The following AUTS2 variants were observed in gnomAD, a reference collection of about 807,000 sequenced individuals.
AUTS2 encodes activator of transcription and developmental regulator AUTS2.
A neutral mutation model predicts 112.4 loss-of-function variants in AUTS2; 17 were observed. The observed-to-expected ratio is 0.15, with a 90% CI of 0.10 to 0.23. The LOEUF is 0.23. Among genes scored for constraint, AUTS2 ranks in the 10% least tolerant of loss-of-function variants. The pLI, the probability that AUTS2 is intolerant of heterozygous loss-of-function variation, is 1.00. For missense variants in AUTS2, 1,510 were observed against 1,701.6 expected (o/e 0.89, Z 1.98); for synonymous variants, 751 against 702.7 (o/e 1.07, Z -1.09).
At chr7:70,325,262 T>C (rs75549631) in intron 4 of AUTS2, among the ~76,000 whole-genome samples, 11,762 of 152,108 alleles carry the variant, frequency 0.077, 652 homozygotes, top group Non-Finnish European at 0.12. Context: ...AGTTTGAGGC[T>C]GCAGGGAGCT....
chr7:69,809,785 C>T (rs896696814), intron 1 of AUTS2, among the ~76,000 whole-genome samples: 19 of 152,136 alleles, frequency 1.2e-4, no homozygotes, highest in Non-Finnish European at 1.5e-5. Flanking sequence ...CTGCTTGTAA[C>T]CAATCAATAC....
intron 2 of AUTS2, among the ~76,000 whole-genome samples, chr7:70,045,046 A>G (rs1278568131): frequency 6.6e-6 from 1 of 151,822 alleles, no homozygotes; most frequent in African/African-American, 2.4e-5. Context: ...TTCTGCTTGG[A>G]CACGCTAGAC....
At chr7:70,611,931 A>G (rs1804114131) in intron 5 of AUTS2, among the ~76,000 whole-genome samples, 2 of 152,234 alleles carry the variant, frequency 1.3e-5, no homozygotes, top group African/African-American at 4.8e-5. Context: ...TAGAGTAGTC[A>G]TAGTTTCTAC....
chr7:69,971,870 TAGA>T (rs2129548110), intron 2 of AUTS2, among the ~76,000 whole-genome samples: 1 of 152,360 alleles, frequency 6.6e-6, no homozygotes, highest in African/African-American at 2.4e-5. Flanking sequence ...GTTGTTTTCC[TAGA>T]AGTACTATGA....
At chr7:69,951,326 A>G (rs1487680636) in intron 2 of AUTS2, among the ~76,000 whole-genome samples, 1 of 151,756 alleles carries the variant, frequency 6.6e-6, no homozygotes, top group African/African-American at 2.4e-5. Flanking sequence ...TAGCATTGTA[A>G]GTTTTTAGTC....
chr7:69,909,976 A>T (rs1353476258), intron 2 of AUTS2, among the ~76,000 whole-genome samples: 1 of 152,220 alleles, frequency 6.6e-6, no homozygotes, highest in Non-Finnish European at 1.5e-5. Flanking sequence ...TGAGAAAAGC[A>T]GTTTTGAAAT....
chr7:69,762,981 T>C (rs916826367), intron 1 of AUTS2, among the ~76,000 whole-genome samples: 17 of 152,188 alleles, frequency 1.1e-4, no homozygotes, highest in Non-Finnish European at 2.5e-4. Context: ...CCATACACCT[T>C]CATCATCAAG....
At chr7:69,690,258 A>G (rs931510563) in intron 1 of AUTS2, among the ~76,000 whole-genome samples, 4 of 152,242 alleles carry the variant, frequency 2.6e-5, no homozygotes, top group Non-Finnish European at 5.9e-5. Flanking sequence ...TATCCTACAT[A>G]TAATATAGTT....
intron 4 of AUTS2, among the ~76,000 whole-genome samples, chr7:70,162,908 G>A (rs568551230): frequency 1.5e-4 from 23 of 152,070 alleles, no homozygotes; most frequent in Non-Finnish European, 8.8e-5. Flanking sequence ...AAATAAATTG[G>A]AAGCTAAGAA....
chr7:70,167,542 T>C (rs760186787), intron 4 of AUTS2, among the ~76,000 whole-genome samples: 1 of 152,178 alleles, frequency 6.6e-6, no homozygotes, highest in Non-Finnish European at 1.5e-5. Context: ...ACCAAAAACT[T>C]GAGCAACACT....
chr7:69,852,811 C>T (rs1183441350), intron 1 of AUTS2, among the ~76,000 whole-genome samples: 1 of 152,092 alleles, frequency 6.6e-6, no homozygotes, highest in African/African-American at 2.4e-5. Context: ...CTGCTTGTGT[C>T]CCCTAAACTT....
chr7:70,718,206 G>C (rs1396565990), intron 6 of AUTS2, among the ~76,000 whole-genome samples: 1 of 152,044 alleles, frequency 6.6e-6, no homozygotes. Context: ...AACTCAGAAG[G>C]CCTCTTCCTC....
chr7:69,876,349 AATATAT>A (rs61416382), intron 1 of AUTS2, among the ~76,000 whole-genome samples: 1,044 of 29,498 alleles, frequency 0.035, 36 homozygotes, highest in South Asian at 0.056. Context: ...AAAAAAAAAA[AATATAT>A]ATATATATAT....
rs374179270 is a variant in AUTS2, at chr7:70,672,023, G to A, written c.691-26546G>A. On this transcript the variant is annotated intron_variant, in intron 5 of 18. Transcript: ENST00000342771. ...GGAAGACAGAGCAGCCTGAGGATTC[G>A]GTGAACTGGGTTTGGAGTTAGGGAG... Among the ~76,000 whole-genome samples, 4 of 152,234 alleles carry A rather than the reference G, an allele frequency of 2.6e-5. No individual in the cohort carries two copies. In the East Asian group the frequency reaches 7.7e-4, roughly 29 times the overall value.
chr7:70,214,326 T>C (rs961281363), intron 4 of AUTS2, among the ~76,000 whole-genome samples: 1 of 152,200 alleles, frequency 6.6e-6, no homozygotes, highest in Non-Finnish European at 1.5e-5. Context: ...CTTTCTCTTT[T>C]CTCCCAAGCT....
Position 69,598,709 on chromosome 7 carries a change from A to G in AUTS2, c.-945A>G, listed in dbSNP as rs1293815187. ...TTCTGCTTTCCTCATCGACTGACTGACTCACCCCCTCCCTTTTTTGAGGAA... is the reference window on the plus strand; with the variant it reads ...TTCTGCTTTCCTCATCGACTGACTGGCTCACCCCCTCCCTTTTTTGAGGAA... On this transcript the variant is annotated 5_prime_UTR_variant, in exon 1 of 19. Transcript: ENST00000342771. The G allele has an allele frequency of 6.6e-6, 1 of 152,010 alleles. No homozygotes were observed. Among genetic ancestry groups the G allele is most frequent in the Non-Finnish European group, 1.5e-5 (1 of 68,336 alleles). 9.4% of individuals were successfully genotyped at this position (152,010 alleles called of 1,614,324 possible). A position where few individuals can be genotyped will look rare whatever the true frequency, so the allele number is the denominator to read the frequency against.
chr7:69,771,182 A>T (rs974311446), intron 1 of AUTS2, among the ~76,000 whole-genome samples: 1 of 152,170 alleles, frequency 6.6e-6, no homozygotes, highest in African/African-American at 2.4e-5. Context: ...CCTAAAACCT[A>T]CCAAAGCACC....
chr7:69,975,362 A>G (rs1488012706), intron 2 of AUTS2, among the ~76,000 whole-genome samples: 3 of 151,952 alleles, frequency 2.0e-5, no homozygotes, highest in Non-Finnish European at 4.4e-5. Flanking sequence ...GTTTTGTATT[A>G]TCATAGCTTT....
At chr7:70,506,479 T>C (rs1030008885) in intron 5 of AUTS2, among the ~76,000 whole-genome samples, 1 of 152,204 alleles carries the variant, frequency 6.6e-6, no homozygotes, top group African/African-American at 2.4e-5. Context: ...TATGGCTAAC[T>C]GTAGTTCAAA....
Sources: allele counts gnomAD v4.1 joint callset (sites outside exome capture counted in the v4.1 genomes callset), GRCh38; gene constraint gnomAD v4.1.1; transcripts MANE v1.5; gene names NCBI Gene and HGNC (gene_info 2026-07-23, HGNC 2026-07-21).